The following PRDM11 variants were observed in gnomAD, a reference collection of about 807,000 sequenced individuals.
PRDM11 encodes the protein PR/SET domain 11.
A neutral mutation model predicts 97.8 loss-of-function variants in PRDM11; 20 were observed. The observed-to-expected ratio is 0.20, with a 90% confidence interval of 0.14 to 0.30. PRDM11 has a LOEUF of 0.30. Among genes scored for constraint, PRDM11 ranks in the 10% least tolerant of loss-of-function variants. PRDM11 has a pLI of 1.00. For missense variants in PRDM11, 1,139 were observed against 1,555.2 expected, an observed-to-expected ratio of 0.73 and a Z score of 4.50; for synonymous variants, 599 against 637.7, an observed-to-expected ratio of 0.94 and a Z score of 0.91.
At chr11:45,113,673 T>C (rs1181090660) in intron 1 of PRDM11, among the ~76,000 whole-genome samples, 1 of 152,098 alleles carries the variant, frequency 6.6e-6, no homozygotes, top group Admixed American at 6.5e-5. Flanking sequence ...CCTCTTTGGT[T>C]AAGTATATTC....
chr11:45,157,693 G>A lies in PRDM11; in HGVS notation c.-7+10816G>A, dbSNP rs188122926. Among the ~76,000 whole-genome samples the A allele has an allele frequency of 6.2e-4, 95 of 152,330 alleles. 1 individual carries two copies. Among genetic ancestry groups the A allele is most frequent in the Middle Eastern group, 3.4e-3 (1 of 294 alleles). ...CCTGGCTGATGGGCAGGCAGCCCTCGGGTGTGAGCAGCATGGCCTTTCCAG... is the reference window on the plus strand; with the variant it reads ...CCTGGCTGATGGGCAGGCAGCCCTCAGGTGTGAGCAGCATGGCCTTTCCAG... On this transcript the variant is annotated intron_variant, in intron 1 of 7. Transcript: ENST00000683152.
At position 45,096,947 on chromosome 11, in the gene PRDM11, C is replaced by T. The variant is rs76395610; in HGVS notation, c.96+1046C>T. On this transcript the variant is annotated intron_variant, in intron 1 of 6. Coordinates refer to the PRDM11 transcript ENST00000530656. The stretch of plus-strand genomic sequence containing the variant: ...GCAGGGAGGCAGCTGCGTGGCCATG[C>T]ACCAGTCTCCTTGCTCCTCTGAGCC... 5.3e-4 allele frequency among the ~76,000 whole-genome samples: 81 copies of T among 152,336 alleles called. 1 individual carries two copies. Among genetic ancestry groups the T allele is most frequent in the African/African-American group, 1.9e-3 (78 of 41,582 alleles).
In PRDM11 at chr11:45,152,867, T is replaced by A. The variant is rs11038334; in HGVS notation, c.-7+5990T>A. The stretch of plus-strand genomic sequence containing the variant: ...TGACTAGGCTGTAACAGGTCCTGAC[T>A]GCTGTGCTGAGGAGTTTACAATCTG... On this transcript the variant is annotated intron_variant, in intron 1 of 7. Coordinates refer to ENST00000683152, the MANE Select transcript of PRDM11 (RefSeq NM_001384648.1). 1.1e-3 allele frequency among the ~76,000 whole-genome samples: 163 copies of A among 152,162 alleles called. 5 individuals carry two copies. In the South Asian group the frequency reaches 0.031, roughly 29 times the overall value.
upstream of PRDM11, among the ~76,000 whole-genome samples, chr11:45,144,296 T>C (rs1376405549): frequency 2.0e-5 from 3 of 152,184 alleles, no homozygotes; most frequent in African/African-American, 7.2e-5. Context: ...CCTGGGTCTC[T>C]GGATCACACC....
rs887194929 is a variant in PRDM11, at chr11:45,115,844, C to T, written c.96+19943C>T. Among the ~76,000 whole-genome samples, 3 of 150,130 alleles carry T rather than the reference C, an allele frequency of 2.0e-5. No individual in the cohort carries two copies. In the East Asian group the frequency reaches 5.9e-4, roughly 29 times the overall value. ...ACTTGGGAGGCTGAGGTAGGAGACT[C>T]ACTTGAACCTGGGTGGTGGAGTTTA... is the stretch of plus-strand genomic sequence containing the variant. On this transcript the variant is annotated intron_variant, in intron 1 of 6. Coordinates refer to the PRDM11 transcript ENST00000530656.
chr11:45,221,369 A>G (rs77875867), intron 6 of PRDM11, among the ~76,000 whole-genome samples: 187 of 152,340 alleles, frequency 1.2e-3, no homozygotes, highest in African/African-American at 4.0e-3. Context: ...TAGGGACTCA[A>G]TAAGTCTTTG....
intron 1 of PRDM11, among the ~76,000 whole-genome samples, chr11:45,123,240 T>G (rs1414530253): frequency 6.6e-6 from 1 of 152,256 alleles, no homozygotes; most frequent in African/African-American, 2.4e-5. Context: ...ATTCTGGATA[T>G]TAGCCCTTTG....
At chr11:45,173,568 G>C (rs1407850662) in intron 1 of PRDM11, among the ~76,000 whole-genome samples, 3 of 150,592 alleles carry the variant, frequency 2.0e-5, no homozygotes, top group Non-Finnish European at 4.4e-5. Flanking sequence ...GTTGCAGTGA[G>C]CCGAGATCAC....
At chr11:45,095,814 G>A (rs1443054725) in exon 1 of PRDM11, 1 of 767,586 alleles carries the variant, frequency 1.3e-6, no homozygotes, top group Non-Finnish European at 2.4e-6. Flanking sequence ...CAATGTTGAA[G>A]ATGGCAGAGC....
chr11:45,171,717 C>G (rs1024629211), intron 1 of PRDM11, among the ~76,000 whole-genome samples: 2 of 152,212 alleles, frequency 1.3e-5, no homozygotes, highest in Non-Finnish European at 2.9e-5. Flanking sequence ...TGGCTCATGG[C>G]TGCAGGTGAC....
intron 1 of PRDM11, among the ~76,000 whole-genome samples, chr11:45,105,717 C>G (rs1050454026): frequency 6.6e-6 from 1 of 152,248 alleles, no homozygotes; most frequent in Admixed American, 6.5e-5. Flanking sequence ...ATTGCCAGGA[C>G]GTAGCCTCAG....
rs1356196841 is a variant in PRDM11 at position 45,228,058 on chromosome 11, T to TAA, written c.3434_3435insAA (p.Tyr1145Ter). Residue 1145 changes from tyrosine (Y) to a stop codon, truncating the protein, a stop_gained and frameshift_variant, in exon 8 of 8, where the codon TAC (tyrosine) becomes TAAAC (stop). Transcript: ENST00000683152. LOFTEE classifies it high-confidence loss of function. ...SWFEEKSGNS[Y>*]ALSAEVLSRM... ...GTTTGAGGAGAAGTCTGGGAACAGT[T>TAA]ACGCGCTGTCTGCAGAAGTCCTCAG... is the stretch of plus-strand genomic sequence containing the variant. The TAA allele has an allele frequency of 1.3e-6, 2 of 1,533,622 alleles. No individual in the cohort carries two copies. Among genetic ancestry groups the TAA allele is most frequent in the Non-Finnish European group, 1.7e-6 (2 of 1,146,698 alleles).
chr11:45,155,626 C>T (rs1851775023), intron 1 of PRDM11, among the ~76,000 whole-genome samples: 1 of 151,510 alleles, frequency 6.6e-6, no homozygotes, highest in Non-Finnish European at 1.5e-5. Flanking sequence ...AGAGGGGGTG[C>T]AGGGGTGCCT....
chr11:45,162,738 G>A (rs1468791998), intron 1 of PRDM11, among the ~76,000 whole-genome samples: 1 of 152,212 alleles, frequency 6.6e-6, no homozygotes, highest in East Asian at 1.9e-4. Flanking sequence ...TTCAGAGGAT[G>A]TATGGGAGCC....
intron 1 of PRDM11, among the ~76,000 whole-genome samples, chr11:45,115,821 T>C (rs1048897115): frequency 6.6e-6 from 1 of 151,766 alleles, no homozygotes; most frequent in East Asian, 1.9e-4. Flanking sequence ...TTCCAGCTAC[T>C]TGGGAGGCTG....
chr11:45,156,520 T>G (rs1851799700), intron 1 of PRDM11, among the ~76,000 whole-genome samples: 1 of 152,244 alleles, frequency 6.6e-6, no homozygotes, highest in Non-Finnish European at 1.5e-5. Flanking sequence ...GGGTGTATGG[T>G]GAGAGACATG....
chr11:45,196,772 A>C (rs1853137828), intron 4 of PRDM11, among the ~76,000 whole-genome samples: 1 of 152,194 alleles, frequency 6.6e-6, no homozygotes, highest in South Asian at 2.1e-4. Flanking sequence ...TTACAGGCAG[A>C]AAAGAAGGAC....
chr11:45,182,254 G>T lies in PRDM11; in HGVS notation c.128G>T (p.Arg43Ile). ...GCCTCTGCCCTGGCCAGCTCTAGGA[G>T]ACCGGACTCCTCGGCCATGGAAGTT... ...DQEYGQPCSRRPDSSAMEVEP... is the reference protein window; with the variant it reads ...DQEYGQPCSRIPDSSAMEVEP... The change falls in exon 3 of 8, where the codon AGA becomes ATA. Residue 43 changes from arginine to isoleucine, a missense_variant. Arg to Ile is a moderately conservative substitution (Grantham distance 97). Around this residue, in one of 2 missense-constraint regions of PRDM11, gnomAD observed 429 missense variants for 510.3 expected, o/e 0.84. Transcript: ENST00000683152. 2 of 1,613,912 alleles carry T rather than the reference G, an allele frequency of 1.2e-6. No individual in the cohort carries two copies. The highest frequency in any genetic ancestry group is 1.7e-6 in the Non-Finnish European group (2 of 1,180,004).
chr11:45,210,911 C>A (rs1173311693), intron 5 of PRDM11, among the ~76,000 whole-genome samples: 1 of 152,184 alleles, frequency 6.6e-6, no homozygotes, highest in Non-Finnish European at 1.5e-5. Context: ...CCAGTAAAGC[C>A]TGTTCCCTGC....
Sources: allele counts gnomAD v4.1 joint callset (sites outside exome capture counted in the v4.1 genomes callset), GRCh38; gene constraint gnomAD v4.1.1; regional missense constraint gnomAD v4.1.1; transcripts MANE v1.5; gene names NCBI Gene and HGNC (gene_info 2026-07-23, HGNC 2026-07-21).